C13orf46: variants seen among roughly 807,000 people sequenced by gnomAD.
C13orf46 encodes uncharacterized protein C13orf46.
downstream of C13orf46, among the ~76,000 whole-genome samples, chr13:113,950,682 T>G (rs1057011101): frequency 3.9e-5 from 6 of 152,202 alleles, no homozygotes; most frequent in African/African-American, 1.4e-4. Flanking sequence ...TCTGCCCCTG[T>G]GTGCACCAGG....
At chr13:113,927,602 G>C in the C13orf46 span, 1,449 of 398,706 alleles carry the variant, frequency 3.6e-3, 3 homozygotes, top group Middle Eastern at 6.9e-3. Context: ...TCCTACGGTG[G>C]GGAGTGAGCC....
At chr13:113,965,709 GATT>G (rs2052629947) in intron 5 of C13orf46, among the ~76,000 whole-genome samples, 3 of 151,582 alleles carry the variant, frequency 2.0e-5, no homozygotes, top group African/African-American at 2.4e-5. Context: ...TGGTGATGGT[GATT>G]ATAATGGTGG....
the C13orf46 span, among the ~76,000 whole-genome samples, chr13:113,932,979 C>T: frequency 6.6e-6 from 1 of 152,120 alleles, no homozygotes; most frequent in African/African-American, 2.4e-5. Flanking sequence ...ATTTTCATGC[C>T]TCAGTCTCCT....
In C13orf46 at chr13:113,954,703, G is replaced by C. The variant is rs1385495866; in HGVS notation, c.*2070C>G. ...CACAAAGGGCTGAGCCTCCCCTGCT[G>C]TGCCCCAGGGGCCTCTGTCCCCACC... On this transcript the variant is annotated 3_prime_UTR_variant, in exon 7 of 7. Coordinates refer to ENST00000636427, the MANE Select transcript of C13orf46 (RefSeq NM_001365455.2). 6.2e-6 allele frequency: 1 copy of C among 160,284 alleles called. No homozygotes were observed. The highest frequency in any genetic ancestry group is 1.9e-4 in the East Asian group (1 of 5,264). 9.9% of individuals were successfully genotyped at this position (160,284 alleles called of 1,614,324 possible).
chr13:113,935,020 T>A, the C13orf46 span, among the ~76,000 whole-genome samples: 1 of 152,182 alleles, frequency 6.6e-6, no homozygotes, highest in Non-Finnish European at 1.5e-5. Context: ...TCCCTTCCAT[T>A]CCCACTGGCT....
rs926852493 is a variant in C13orf46 at position 113,954,212 on chromosome 13, T to C, written c.*2561A>G. 3 of 152,398 alleles carry C rather than the reference T, an allele frequency of 2.0e-5. No individual in the cohort carries two copies. Among genetic ancestry groups the C allele is most frequent in the African/African-American group, 7.2e-5 (3 of 41,586 alleles). The allele number at this position is 152,398 out of a possible 1,614,324, so 9.4% of individuals were successfully genotyped here. The stretch of plus-strand genomic sequence containing the variant: ...CATGTGTCTCCACGGGAATAGACAG[T>C]GCACACAGCATCTCCGCCTGTGGCC... On this transcript the variant is annotated 3_prime_UTR_variant, in exon 7 of 7. Coordinates refer to ENST00000636427, the MANE Select transcript of C13orf46 (RefSeq NM_001365455.2).
the C13orf46 span, among the ~76,000 whole-genome samples, chr13:113,931,979 C>T: frequency 1.3e-5 from 2 of 152,106 alleles, no homozygotes; most frequent in South Asian, 2.1e-4. Flanking sequence ...TCTGATGACA[C>T]TGACCTTTCT....
downstream of C13orf46, among the ~76,000 whole-genome samples, chr13:113,951,350 C>G (rs1448367429): frequency 6.6e-6 from 1 of 152,182 alleles, no homozygotes; most frequent in Admixed American, 6.5e-5. Context: ...CCCTGCGGGC[C>G]GGGCTGGAGC....
chr13:113,962,534 G>A (rs1247415983), intron 6 of C13orf46, among the ~76,000 whole-genome samples: 1 of 152,222 alleles, frequency 6.6e-6, no homozygotes, highest in South Asian at 2.1e-4. Context: ...GGAACCTCCC[G>A]GTATTGGGAA....
At chr13:113,935,646 A>G in the C13orf46 span, among the ~76,000 whole-genome samples, 1 of 152,250 alleles carries the variant, frequency 6.6e-6, no homozygotes, top group Non-Finnish European at 1.5e-5. Context: ...AGCCACTGGC[A>G]ACACCACTCG....
chr13:113,953,452 C>G (rs998472762), downstream of C13orf46, among the ~76,000 whole-genome samples: 4 of 152,124 alleles, frequency 2.6e-5, no homozygotes, highest in East Asian at 7.7e-4. Flanking sequence ...GCTCTTCCCC[C>G]GGACACTGTG....
the C13orf46 span, among the ~76,000 whole-genome samples, chr13:113,942,961 GCTCT>G: frequency 6.6e-6 from 1 of 152,236 alleles, no homozygotes. Flanking sequence ...GGCGGCCATG[GCTCT>G]CTAAGGCCCG....
At chr13:113,963,937 G>A (rs1474243720) in intron 6 of C13orf46, among the ~76,000 whole-genome samples, 4 of 152,068 alleles carry the variant, frequency 2.6e-5, no homozygotes, top group South Asian at 2.1e-4. Context: ...CGCAACCTCC[G>A]CCTCCTGGGT....
At chr13:113,967,275 G>A (rs1351047454) in intron 5 of C13orf46, 66 bp downstream of exon 5, 2 of 152,242 alleles carry the variant, frequency 1.3e-5, no homozygotes, top group African/African-American at 4.8e-5. Flanking sequence ...GGCTGGCCCT[G>A]CCAGGCAGCA....
the C13orf46 span, among the ~76,000 whole-genome samples, chr13:113,937,808 A>G: frequency 5.3e-5 from 8 of 152,206 alleles, no homozygotes; most frequent in Admixed American, 3.3e-4. Context: ...CTTTTACGGA[A>G]TGCACAATTT....
chr13:113,935,441 C>T, the C13orf46 span, among the ~76,000 whole-genome samples: 1 of 152,374 alleles, frequency 6.6e-6, no homozygotes, highest in African/African-American at 2.4e-5. Context: ...GAAGCCAGGA[C>T]AAACAGAGCC....
At chr13:113,965,883 GGTA>G (rs1214421560) in intron 5 of C13orf46, among the ~76,000 whole-genome samples, 8 of 127,774 alleles carry the variant, frequency 6.3e-5, no homozygotes, top group Non-Finnish European at 1.0e-4. Flanking sequence ...TGATGATGGT[GGTA>G]ATGGTGATGG....
chr13:113,942,192 T>C, the C13orf46 span, among the ~76,000 whole-genome samples: 2 of 152,260 alleles, frequency 1.3e-5, no homozygotes, highest in South Asian at 2.1e-4. Flanking sequence ...AACCACAGAA[T>C]ACAATAGACG....
chr13:113,945,626 AAGAAAG>A, the C13orf46 span, among the ~76,000 whole-genome samples: 40 of 129,744 alleles, frequency 3.1e-4, 1 homozygote, highest in African/African-American at 1.0e-3. Flanking sequence ...GAAAGAAAGA[AAGAAAG>A]AAAGAAAGAA....
Sources: allele counts gnomAD v4.1 joint callset (sites outside exome capture counted in the v4.1 genomes callset), GRCh38; gene constraint gnomAD v4.1.1; transcripts MANE v1.5; gene names NCBI Gene and HGNC (gene_info 2026-07-23, HGNC 2026-07-21).